MGST1: variants seen among roughly 807,000 people sequenced by gnomAD.
MGST1 encodes the protein glutathione S-transferase 12.
A neutral mutation model predicts 8.9 loss-of-function variants in MGST1; 5 were observed. The observed-to-expected ratio is 0.56, with a 90% CI of 0.29 to 1.19. MGST1 has a LOEUF of 1.19. Ranked by LOEUF, MGST1 falls within the 50% of genes most tolerant of loss-of-function variation. MGST1 has a pLI of 0.08. For missense variants in MGST1, 182 were observed against 187.4 expected (o/e 0.97, Z 0.17); for synonymous variants, 54 against 67.8 (o/e 0.80, Z 1.00).
chr12:16,405,612 A>G (rs1415063936), intron 1 of MGST1, among the ~76,000 whole-genome samples: 1 of 152,156 alleles, frequency 6.6e-6, no homozygotes, highest in African/African-American at 2.4e-5. Flanking sequence ...AATAGAAGAA[A>G]AAGTAAACCT....
At chr12:16,367,786 C>T (rs1405666042), downstream of MGST1, among the ~76,000 whole-genome samples, 1 of 152,196 alleles carries the variant, frequency 6.6e-6, no homozygotes, top group Non-Finnish European at 1.5e-5. Flanking sequence ...ACCCCACATT[C>T]AATTCACCTT....
At chr12:16,411,703 A>T (rs569744774) in intron 1 of MGST1, among the ~76,000 whole-genome samples, 4 of 152,318 alleles carry the variant, frequency 2.6e-5, no homozygotes, top group Admixed American at 1.3e-4. Context: ...TAAAACTAGG[A>T]AAGAAAAATG....
intron 1 of MGST1, among the ~76,000 whole-genome samples, chr12:16,419,043 A>T (rs181163917): frequency 2.0e-5 from 3 of 152,274 alleles, no homozygotes; most frequent in Admixed American, 1.3e-4. Flanking sequence ...TACTCCAGAA[A>T]TTAGGCTTCT....
At chr12:16,350,938 C>G (rs1429961855) in intron 1 of MGST1, 1 of 152,128 alleles carries the variant, frequency 6.6e-6, no homozygotes, top group Non-Finnish European at 1.5e-5. Flanking sequence ...CCTCCCATTG[C>G]CCTTTTTCCC....
intron 4 of MGST1, among the ~76,000 whole-genome samples, chr12:16,564,042 G>A (rs537416125): frequency 3.9e-5 from 6 of 152,002 alleles, no homozygotes; most frequent in Non-Finnish European, 7.4e-5. Context: ...GACAAGTACC[G>A]GCCATACAAT....
chr12:16,397,790 TG>T, intron 1 of MGST1, among the ~76,000 whole-genome samples: 1 of 150,392 alleles, frequency 6.6e-6, no homozygotes, highest in African/African-American at 2.4e-5. Flanking sequence ...TTTTTTTTTT[TG>T]GTATTGCTGT....
chr12:16,388,451 C>A (rs541508981), intron 1 of MGST1, among the ~76,000 whole-genome samples: 1 of 152,040 alleles, frequency 6.6e-6, no homozygotes, highest in Non-Finnish European at 1.5e-5. Flanking sequence ...AGCATCGTCA[C>A]GGAGCTGAAG....
intron 4 of MGST1, among the ~76,000 whole-genome samples, chr12:16,466,439 G>A (rs1047522435): frequency 2.0e-5 from 3 of 152,184 alleles, no homozygotes; most frequent in Admixed American, 2.0e-4. Context: ...AACATAATAT[G>A]TCATTACTGA....
intron 4 of MGST1, among the ~76,000 whole-genome samples, chr12:16,563,541 A>G (rs77225724): frequency 0.034 from 5,187 of 152,146 alleles, 301 homozygotes; most frequent in African/African-American, 0.12. Context: ...CAGTCTCTTA[A>G]CTATCTAATT....
chr12:16,465,041 G>A (rs537892980), intron 4 of MGST1, among the ~76,000 whole-genome samples: 2 of 152,308 alleles, frequency 1.3e-5, no homozygotes, highest in Admixed American at 1.3e-4. Flanking sequence ...CTGCCTCTGA[G>A]AAGAGAAGTG....
At chr12:16,466,869 A>G (rs1941258871) in intron 4 of MGST1, among the ~76,000 whole-genome samples, 1 of 151,858 alleles carries the variant, frequency 6.6e-6, no homozygotes, top group Non-Finnish European at 1.5e-5. Flanking sequence ...AAGATTTCAC[A>G]TTTTCCACAA....
chr12:16,569,513 C>G (rs567422441), intron 4 of MGST1, among the ~76,000 whole-genome samples: 2 of 152,228 alleles, frequency 1.3e-5, no homozygotes, highest in Non-Finnish European at 2.9e-5. Flanking sequence ...CAAAGCCTTA[C>G]GAGCAGGTGT....
chr12:16,461,763 C>A (rs1039779466), intron 4 of MGST1, among the ~76,000 whole-genome samples: 1 of 152,082 alleles, frequency 6.6e-6, no homozygotes, highest in Admixed American at 6.5e-5. Flanking sequence ...ACAACCTGTA[C>A]CCAGAACAAC....
chr12:16,534,742 G>A (rs1941744236), intron 4 of MGST1, among the ~76,000 whole-genome samples: 1 of 151,932 alleles, frequency 6.6e-6, no homozygotes, highest in African/African-American at 2.4e-5. Context: ...TAGAAGCAAT[G>A]GGAAATGATA....
intron 1 of MGST1, among the ~76,000 whole-genome samples, chr12:16,422,545 C>T (rs936019408): frequency 6.6e-6 from 1 of 152,164 alleles, no homozygotes; most frequent in Admixed American, 6.5e-5. Flanking sequence ...TGGTAGCTGA[C>T]AATGGGGCCT....
chr12:16,534,055 A>C (rs1482981202), intron 4 of MGST1, among the ~76,000 whole-genome samples: 2 of 152,200 alleles, frequency 1.3e-5, no homozygotes, highest in East Asian at 3.9e-4. Flanking sequence ...GAAGCCATGC[A>C]TGTTATTTTG....
rs561394151 is a variant in MGST1, at chr12:16,522,994, G to C, written n.483-66534G>C. On this transcript the variant is annotated intron_variant and non_coding_transcript_variant, in intron 4 of 4. Coordinates refer to the MGST1 transcript ENST00000538857. ...TTATGAGTGTAGTCATAATTATCTA[G>C]AAATTAATAAAATATGAAGTGGGCT... is the stretch of plus-strand genomic sequence containing the variant. 2.0e-5 allele frequency among the ~76,000 whole-genome samples: 3 copies of C among 151,316 alleles called. No individual in the cohort carries two copies. The South Asian group carries it at 6.3e-4, about 32-fold the overall frequency.
At chr12:16,564,623 C>G (rs1222465234) in intron 4 of MGST1, among the ~76,000 whole-genome samples, 1 of 152,096 alleles carries the variant, frequency 6.6e-6, no homozygotes, top group African/African-American at 2.4e-5. Flanking sequence ...TGGCTCAAGT[C>G]ACTAAATCAA....
Position 16,364,310 on chromosome 12 carries a change from C to G in MGST1, c.*269C>G. 9.1e-7 allele frequency: 1 copy of G among 1,097,620 alleles called. No individual in the cohort carries two copies. The highest frequency in any genetic ancestry group is 4.8e-5 in the Admixed American group (1 of 21,016). 68.0% of individuals were successfully genotyped at this position (1,097,620 alleles called of 1,614,324 possible). A position where few individuals can be genotyped will look rare whatever the true frequency, so the allele number is the denominator to read the frequency against. On this transcript the variant is annotated 3_prime_UTR_variant, in exon 4 of 4. Transcript: ENST00000396210. This position sits in a 1 kb window ranked among gnomAD's most constrained non-coding sequence, Gnocchi z 5.7. ...ATCATGTTATGATTTGTAACATTCA[C>G]ACAACACCTCACTTTTGAATCTATA...
Sources: allele counts gnomAD v4.1 joint callset (sites outside exome capture counted in the v4.1 genomes callset), GRCh38; gene constraint gnomAD v4.1.1; non-coding constraint Gnocchi (gnomAD v3.1); transcripts MANE v1.5; gene names NCBI Gene and HGNC (gene_info 2026-07-23, HGNC 2026-07-21).